Variants in INPP5F observed in about 807,000 individuals in gnomAD.
INPP5F encodes phosphatidylinositide 4-phosphatase SAC2.
In INPP5F, 97 loss-of-function variants were observed where a neutral mutation model predicts 137.2. The observed-to-expected ratio is 0.71, with a 90% CI of 0.60 to 0.84. INPP5F has a LOEUF of 0.84. Among genes scored for constraint, INPP5F ranks in the 40% least tolerant of loss-of-function variants. The probability of loss-of-function intolerance (pLI) is 0.00; values close to 1 mark genes in which losing one functional copy is unlikely to be tolerated. For synonymous variants in INPP5F, 504 were observed against 476.9 expected (o/e 1.06, Z -0.74); for missense variants, 1,271 against 1,371.9 (o/e 0.93, Z 1.16).
intron 15 of INPP5F, among the ~76,000 whole-genome samples, chr10:119,812,236 T>C (rs1351935412): frequency 6.6e-6 from 1 of 152,226 alleles, no homozygotes; most frequent in Admixed American, 6.5e-5. Flanking sequence ...GGCTGTGGGT[T>C]CCCCACTCCC....
At chr10:119,749,537 C>G (rs182825496) in intron 1 of INPP5F, among the ~76,000 whole-genome samples, 1 of 152,076 alleles carries the variant, frequency 6.6e-6, no homozygotes, top group South Asian at 2.1e-4. Flanking sequence ...CTGATTAGTT[C>G]CACGTATAAT....
intron 19 of INPP5F, among the ~76,000 whole-genome samples, chr10:119,826,363 T>G (rs192725597): frequency 6.6e-6 from 1 of 152,368 alleles, no homozygotes; most frequent in Admixed American, 6.5e-5. Flanking sequence ...AAATATTTTG[T>G]ATATATTGGG....
chr10:119,737,585 TGC>T (rs1171566134), intron 1 of INPP5F, among the ~76,000 whole-genome samples: 5 of 152,218 alleles, frequency 3.3e-5, no homozygotes, highest in Non-Finnish European at 5.9e-5. Flanking sequence ...AATCACCAGC[TGC>T]TAGAACTTCT....
intron 2 of INPP5F, among the ~76,000 whole-genome samples, chr10:119,774,583 C>T (rs1849462510): frequency 6.6e-6 from 1 of 151,864 alleles, no homozygotes; most frequent in Non-Finnish European, 1.5e-5. Context: ...ATCCCTCTGC[C>T]TTGGCCTCCC....
chr10:119,772,827 T>G (rs1849406315), intron 2 of INPP5F, among the ~76,000 whole-genome samples: 1 of 151,958 alleles, frequency 6.6e-6, no homozygotes, highest in African/African-American at 2.4e-5. Context: ...CACCGCAACC[T>G]CCACCTCCCG....
chr10:119,779,788 T>C (rs1415291180), intron 2 of INPP5F, among the ~76,000 whole-genome samples: 1 of 152,202 alleles, frequency 6.6e-6, no homozygotes, highest in African/African-American at 2.4e-5. Context: ...TTATAAACTT[T>C]TTAATGTTTT....
At chr10:119,816,406 T>A (rs1350460658) in intron 15 of INPP5F, 1 of 152,278 alleles carries the variant, frequency 6.6e-6, no homozygotes, top group Non-Finnish European at 1.5e-5. Context: ...CGTTTCCATC[T>A]AGATTACAGA....
At chr10:119,761,843 A>G (rs1297511258) in intron 2 of INPP5F, among the ~76,000 whole-genome samples, 1 of 152,216 alleles carries the variant, frequency 6.6e-6, no homozygotes, top group Non-Finnish European at 1.5e-5. Flanking sequence ...AAATTGGAGC[A>G]TAATTGGAGC....
At chr10:119,757,949 C>A (rs1848899613) in intron 2 of INPP5F, among the ~76,000 whole-genome samples, 1 of 152,168 alleles carries the variant, frequency 6.6e-6, no homozygotes. Flanking sequence ...TGTGTGCTGG[C>A]CCACTGCAGG....
At chr10:119,757,745 C>G (rs1005160761) in intron 2 of INPP5F, among the ~76,000 whole-genome samples, 2 of 152,068 alleles carry the variant, frequency 1.3e-5, no homozygotes, top group Admixed American at 6.5e-5. Context: ...GAGCTGAGAT[C>G]TTGCCACTGC....
intron 11 of INPP5F, among the ~76,000 whole-genome samples, 188 bp from the exon 12 acceptor site, chr10:119,806,172 T>C (rs1850774963): frequency 6.6e-6 from 1 of 152,136 alleles, no homozygotes; most frequent in African/African-American, 2.4e-5. Context: ...GATAATATCT[T>C]CCTTGCTATG....
At position 119,791,577 on chromosome 10, in the gene INPP5F, G is replaced by A. The variant is rs766306657; in HGVS notation, c.376G>A (p.Asp126Asn). Residue 126 changes from aspartate (D) to asparagine (N), a missense_variant, in exon 4 of 20, where the codon GAC (aspartate) becomes AAC (asparagine). Physicochemically the swap from Asp to Asn is conservative, Grantham distance 23. Around this residue, in one of 6 missense-constraint regions of INPP5F, gnomAD observed 62 missense variants for 55.0 expected, o/e 1.13. Transcript: ENST00000650623. ...AGAGAAGATCATACCATCTCCTGAT[G>A]ACTCAAAGTTTCTACTGAAGACCTT... ...KPEKIIPSPD[D>N]SKFLLKTFTH... The A allele has an allele frequency of 3.1e-6, 5 of 1,602,004 alleles. No individual in the cohort carries two copies. The highest frequency in any genetic ancestry group is 4.3e-6 in the Non-Finnish European group (5 of 1,169,700).
intron 11 of INPP5F, 81 bp downstream of exon 11, chr10:119,805,542 A>G: frequency 2.1e-6 from 2 of 936,330 alleles, no homozygotes; most frequent in South Asian, 2.8e-5. Context: ...TGATAGCAGC[A>G]TGCAGAGACA....
chr10:119,780,575 TCAAA>T (rs1354661163), intron 2 of INPP5F, among the ~76,000 whole-genome samples: 1 of 152,190 alleles, frequency 6.6e-6, no homozygotes, highest in African/African-American at 2.4e-5. Context: ...AGACCCAGTC[TCAAA>T]CAAAACAAAA....
chr10:119,751,161 G>A lies in INPP5F; in HGVS notation c.178+5G>A. The A allele has an allele frequency of 6.4e-7, 1 of 1,562,352 alleles. No homozygotes were observed. Among genetic ancestry groups the A allele is most frequent in the Non-Finnish European group, 8.8e-7 (1 of 1,132,864 alleles). ...GGAAAATTCAACTTCATTCAGGTAT[G>A]TTTCTATAAACTCCTTAAACTTGTC... On this transcript the variant is annotated splice_donor_5th_base_variant and intron_variant, in intron 2 of 19. Coordinates refer to ENST00000650623, the MANE Select transcript of INPP5F (RefSeq NM_014937.4).
chr10:119,739,615 TAGTC>T (rs1848316290), intron 1 of INPP5F, among the ~76,000 whole-genome samples: 1 of 152,316 alleles, frequency 6.6e-6, no homozygotes. Flanking sequence ...TCAGACTTAA[TAGTC>T]TGTCTGTATT....
chr10:119,786,872 C>CCTT (rs1849937901), intron 3 of INPP5F, among the ~76,000 whole-genome samples: 1 of 151,998 alleles, frequency 6.6e-6, no homozygotes, highest in Non-Finnish European at 1.5e-5. Flanking sequence ...ACAGAGAAAA[C>CCTT]CTTCCAGTGA....
chr10:119,753,198 A>G (rs546321002), intron 2 of INPP5F, among the ~76,000 whole-genome samples: 2 of 152,302 alleles, frequency 1.3e-5, no homozygotes, highest in South Asian at 2.1e-4. Flanking sequence ...TTCGTTTTCT[A>G]TTATTTAAAT....
At chr10:119,743,604 C>T (rs926799246) in intron 1 of INPP5F, among the ~76,000 whole-genome samples, 4 of 146,240 alleles carry the variant, frequency 2.7e-5, no homozygotes, top group Admixed American at 7.0e-5. Context: ...GGATTCCAGG[C>T]CCAGGCTGCA....
Sources: gnomAD v4.1 joint callset for allele counts (sites outside exome capture counted in the v4.1 genomes callset) on GRCh38, gnomAD v4.1.1 for gene constraint, gnomAD v4.1.1 regional missense constraint, MANE v1.5 for transcripts, NCBI Gene and HGNC (gene_info 2026-07-23, HGNC 2026-07-21) for gene names.